The following SLC24A3 variants were observed in gnomAD, a reference collection of about 807,000 sequenced individuals.
The protein encoded by SLC24A3 is sodium/potassium/calcium exchanger 3.
Under a neutral mutation model 75.8 loss-of-function variants are expected in SLC24A3, and 28 were observed. That is an observed-to-expected ratio of 0.37 (90% CI 0.27 to 0.51). The LOEUF (loss-of-function observed/expected upper bound fraction) is 0.51, where lower values mean the gene tolerates loss of function less well. SLC24A3 is among the 20% of genes least tolerant of loss of function. SLC24A3 has a pLI of 0.94. For synonymous variants in SLC24A3, 372 were observed against 334.1 expected (o/e 1.11, Z -1.24); for missense variants, 663 against 847.8 (o/e 0.78, Z 2.71).
In SLC24A3 at chr20:19,213,005, C is replaced by A. The variant is rs1981448138; in HGVS notation, c.142+21C>A. ...GAAGGGTGAGTGCACGCTGCCTGCC[C>A]CGAGTGGGCGCTGCGGCTCCGGCGG... On this transcript the variant is annotated intron_variant, in intron 1 of 16. Coordinates refer to ENST00000328041, the MANE Select transcript of SLC24A3 (RefSeq NM_020689.4). The A allele has an allele frequency of 4.0e-6, 5 of 1,249,336 alleles. No homozygotes were observed. In the South Asian group the frequency reaches 1.1e-4, roughly 28 times the overall value. 77.4% of individuals were successfully genotyped at this position (1,249,336 alleles called of 1,614,324 possible). A position where few individuals can be genotyped will look rare whatever the true frequency, so the allele number is the denominator to read the frequency against.
At chr20:19,637,586 C>T (rs1175103867) in intron 6 of SLC24A3, among the ~76,000 whole-genome samples, 1 of 152,158 alleles carries the variant, frequency 6.6e-6, no homozygotes, top group African/African-American at 2.4e-5. Flanking sequence ...TATTCGCGTA[C>T]TGGTAGTAAT....
rs528315781 is a variant in SLC24A3, at chr20:19,440,334, A to G, written c.272-75154A>G. On this transcript the variant is annotated intron_variant, in intron 2 of 16. Coordinates refer to ENST00000328041, the MANE Select transcript of SLC24A3 (RefSeq NM_020689.4). ...TTCAGGTAGGAAGGTTCTATCTGTA[A>G]TCTCAGAAGGAGCTGGCAAGACAGC... 8.5e-5 allele frequency among the ~76,000 whole-genome samples: 13 copies of G among 152,312 alleles called. No homozygotes were observed. In the South Asian group the frequency reaches 1.0e-3, roughly 12 times the overall value.
At chr20:19,474,085 G>A (rs563629173) in intron 2 of SLC24A3, among the ~76,000 whole-genome samples, 19 of 152,350 alleles carry the variant, frequency 1.2e-4, no homozygotes, top group South Asian at 1.2e-3. Flanking sequence ...GAGGGAGCTC[G>A]CTTCATAAAG....
At chr20:19,528,706 G>C (rs2030242404) in intron 3 of SLC24A3, among the ~76,000 whole-genome samples, 1 of 152,142 alleles carries the variant, frequency 6.6e-6, no homozygotes, top group Non-Finnish European at 1.5e-5. Context: ...TGTGCACCAA[G>C]GTAGAAGCCT....
intron 3 of SLC24A3, among the ~76,000 whole-genome samples, chr20:19,549,839 T>A (rs1208429054): frequency 6.6e-6 from 1 of 152,142 alleles, no homozygotes; most frequent in Non-Finnish European, 1.5e-5. Flanking sequence ...AAAAATTATA[T>A]CCACTTCCAA....
chr20:19,673,583 T>G lies in SLC24A3; in HGVS notation c.714-18T>G, dbSNP rs762534104. ...AGATGTCCATGACTGTCTTTAACTG[T>G]TCTTGGTTTACACACAGGTGGGAGT... On this transcript the variant is annotated intron_variant, in intron 8 of 16. Coordinates refer to ENST00000328041, the MANE Select transcript of SLC24A3 (RefSeq NM_020689.4). 1.7e-5 allele frequency: 28 copies of G among 1,612,410 alleles called. No individual in the cohort carries two copies. Among genetic ancestry groups the G allele is most frequent in the South Asian group, 3.3e-5 (3 of 91,028 alleles).
chr20:19,458,144 A>C (rs1987610444), intron 2 of SLC24A3, among the ~76,000 whole-genome samples: 1 of 152,112 alleles, frequency 6.6e-6, no homozygotes, highest in African/African-American at 2.4e-5. Flanking sequence ...CTTATTCTAC[A>C]TCCTGCAAAA....
chr20:19,676,789 G>T (rs879860181), intron 9 of SLC24A3, among the ~76,000 whole-genome samples: 11 of 152,150 alleles, frequency 7.2e-5, no homozygotes, highest in Non-Finnish European at 1.5e-4. Flanking sequence ...ATTGCTTTCT[G>T]TACATCCCAG....
chr20:19,659,013 C>T (rs1310204860), intron 7 of SLC24A3, among the ~76,000 whole-genome samples: 1 of 152,224 alleles, frequency 6.6e-6, no homozygotes, highest in Non-Finnish European at 1.5e-5. Flanking sequence ...GGCAGTCTAG[C>T]AGCTGCTCTA....
At chr20:19,275,557 C>A (rs1446239771) in intron 1 of SLC24A3, among the ~76,000 whole-genome samples, 2 of 152,066 alleles carry the variant, frequency 1.3e-5, no homozygotes, top group Non-Finnish European at 2.9e-5. Flanking sequence ...GGCTGCTAGT[C>A]AAGGCTGTTT....
intron 12 of SLC24A3, among the ~76,000 whole-genome samples, chr20:19,686,874 G>GA (rs1253066727): frequency 6.6e-6 from 1 of 152,144 alleles, no homozygotes; most frequent in Non-Finnish European, 1.5e-5. Flanking sequence ...TATCTTCATA[G>GA]AAAAAATGTA....
At chr20:19,502,659 T>G (rs1988401161) in intron 2 of SLC24A3, among the ~76,000 whole-genome samples, 1 of 151,872 alleles carries the variant, frequency 6.6e-6, no homozygotes. Flanking sequence ...AGAACAAAAC[T>G]CAACACTGTT....
At chr20:19,264,580 T>A (rs1468309141) in intron 1 of SLC24A3, among the ~76,000 whole-genome samples, 2 of 151,270 alleles carry the variant, frequency 1.3e-5, no homozygotes, top group African/African-American at 2.4e-5. Flanking sequence ...AAAAAAAAAA[T>A]TAGCTGGGCA....
intron 3 of SLC24A3, among the ~76,000 whole-genome samples, chr20:19,534,638 C>G (rs1277246616): frequency 6.6e-6 from 1 of 152,170 alleles, no homozygotes; most frequent in Non-Finnish European, 1.5e-5. Flanking sequence ...GTCTCAAGCT[C>G]CTGACCTCGT....
At chr20:19,349,779 A>G (rs1399937085) in intron 2 of SLC24A3, among the ~76,000 whole-genome samples, 1 of 152,122 alleles carries the variant, frequency 6.6e-6, no homozygotes. Context: ...CTTAAGCTCT[A>G]CTTCTGAGGA....
chr20:19,388,539 A>G (rs1986311126), intron 2 of SLC24A3, among the ~76,000 whole-genome samples: 1 of 152,150 alleles, frequency 6.6e-6, no homozygotes, highest in Admixed American at 6.5e-5. Flanking sequence ...GTGAAACCCC[A>G]TCTCTACTAG....
intron 7 of SLC24A3, among the ~76,000 whole-genome samples, chr20:19,664,345 T>C (rs1219186988): frequency 2.0e-5 from 3 of 152,194 alleles, no homozygotes; most frequent in Non-Finnish European, 4.4e-5. Flanking sequence ...TTTCTTTAAT[T>C]CTCTGCCCAT....
chr20:19,486,347 T>TGGAA (rs1451643894), intron 2 of SLC24A3, among the ~76,000 whole-genome samples: 1 of 152,186 alleles, frequency 6.6e-6, no homozygotes, highest in Non-Finnish European at 1.5e-5. Context: ...CTGTGGTGTG[T>TGGAA]CTTGATGGTA....
intron 3 of SLC24A3, among the ~76,000 whole-genome samples, chr20:19,523,477 A>G (rs2030141241): frequency 6.6e-6 from 1 of 152,254 alleles, no homozygotes; most frequent in Non-Finnish European, 1.5e-5. Context: ...ATGTTTCCAT[A>G]CATCAGTGAT....
Sources: gnomAD v4.1 joint callset for allele counts (sites outside exome capture counted in the v4.1 genomes callset) on GRCh38, gnomAD v4.1.1 for gene constraint, MANE v1.5 for transcripts, NCBI Gene and HGNC (gene_info 2026-07-23, HGNC 2026-07-21) for gene names.